Variants in MED12L observed in about 807,000 individuals in gnomAD.
MED12L encodes the protein mediator complex subunit 12L.
Under a neutral mutation model 281.3 loss-of-function variants are expected in MED12L, and 60 were observed. That is an observed-to-expected ratio of 0.21 (90% confidence interval 0.17 to 0.26). The LOEUF (loss-of-function observed/expected upper bound fraction) is 0.26. Ranked by LOEUF, MED12L falls within the 10% of genes least tolerant of loss-of-function variation. MED12L has a pLI of 1.00. For missense variants in MED12L, 2,146 were observed against 2,680.9 expected, an observed-to-expected ratio of 0.80 and a Z score of 4.41; for synonymous variants, 974 against 987.2, an observed-to-expected ratio of 0.99 and a Z score of 0.25.
At chr3:151,329,434 C>G in intron 16 of MED12L, 1 of 1,253,616 alleles carries the variant, frequency 8.0e-7, no homozygotes, top group Non-Finnish European at 1.1e-6. Context: ...TAAGCATATT[C>G]TTTTATATAA....
chr3:151,376,689 C>G (rs1756895532), intron 28 of MED12L, 111 bp from the exon 29 acceptor site: 1 of 868,748 alleles, frequency 1.2e-6, no homozygotes, highest in Non-Finnish European at 1.8e-6. Flanking sequence ...TAAATTATTT[C>G]ATTGTGTATG....
chr3:151,214,161 G>A lies in MED12L; in HGVS notation c.2250+20495G>A, dbSNP rs192199993. ...TGAGATAGATGATGAAACTCTTAGA[G>A]CTGGGCACGTAAAAGAATATCCATC... On this transcript the variant is annotated intron_variant, in intron 16 of 44. Transcript: ENST00000687756. The A allele has an allele frequency of 1.7e-5, 27 of 1,614,118 alleles. No homozygotes were observed. The Admixed American group carries it at 3.7e-4, about 22-fold the overall frequency.
At chr3:151,130,467 A>G (rs897808492) in intron 5 of MED12L, among the ~76,000 whole-genome samples, 11 of 152,148 alleles carry the variant, frequency 7.2e-5, no homozygotes, top group African/African-American at 1.2e-4. Flanking sequence ...GTTTTAGCCA[A>G]TCTTCTTGTT....
At chr3:151,201,465 A>T (rs1299867026) in intron 16 of MED12L, among the ~76,000 whole-genome samples, 1 of 152,178 alleles carries the variant, frequency 6.6e-6, no homozygotes, top group Non-Finnish European at 1.5e-5. Flanking sequence ...TTAAGGATGG[A>T]TGGAAACTTT....
intron 16 of MED12L, chr3:151,199,463 A>T (rs1200628154): frequency 2.8e-5 from 35 of 1,263,422 alleles, no homozygotes; most frequent in Non-Finnish European, 3.7e-5. Flanking sequence ...AAGGAAAGGG[A>T]GGTTAGTAAT....
chr3:151,384,241 T>C, intron 35 of MED12L, 23 bp downstream of exon 35: 3 of 1,581,854 alleles, frequency 1.9e-6, no homozygotes, highest in Middle Eastern at 1.7e-4. Flanking sequence ...TCAGCCTGTA[T>C]TATGAGCTCA....
chr3:151,256,429 C>T (rs1415502392), intron 16 of MED12L, among the ~76,000 whole-genome samples: 2 of 152,162 alleles, frequency 1.3e-5, no homozygotes, highest in African/African-American at 4.8e-5. Flanking sequence ...CAGGATCAAC[C>T]AGAGCTGGTG....
intron 4 of MED12L, among the ~76,000 whole-genome samples, chr3:151,124,126 A>G (rs957899378): frequency 4.6e-5 from 7 of 152,222 alleles, no homozygotes; most frequent in Non-Finnish European, 1.5e-5. Context: ...CTGTTGACTA[A>G]CAGTTCATAC....
chr3:151,116,308 TC>T, intron 2 of MED12L, 29 bp from the exon 3 acceptor site: 1 of 1,507,412 alleles, frequency 6.6e-7, no homozygotes, highest in Non-Finnish European at 9.2e-7. Flanking sequence ...TTTACATCCT[TC>T]TGCTTAATCA....
chr3:151,086,786 T>A lies in MED12L; in HGVS notation c.-129-12T>A. 1.5e-6 allele frequency: 1 copy of A among 645,684 alleles called. No individual in the cohort carries two copies. 40.0% of individuals were successfully genotyped at this position (645,684 alleles called of 1,614,324 possible). On this transcript the variant is annotated splice_polypyrimidine_tract_variant and intron_variant, in intron 1 of 44. Transcript: ENST00000687756. ...GGCAGCATCCAACCTGCTTTATTCCTCCTGCCTGCAGCGCCACAGCGAGCG... is the reference window on the plus strand; with the variant it reads ...GGCAGCATCCAACCTGCTTTATTCCACCTGCCTGCAGCGCCACAGCGAGCG...
chr3:151,103,863 C>T (rs1337416952), intron 2 of MED12L, among the ~76,000 whole-genome samples: 7 of 152,120 alleles, frequency 4.6e-5, no homozygotes, highest in Non-Finnish European at 7.4e-5. Context: ...CTCATATGGC[C>T]ACCTAACCAT....
At chr3:151,195,055 C>G (rs1462643784) in intron 16 of MED12L, among the ~76,000 whole-genome samples, 1 of 152,102 alleles carries the variant, frequency 6.6e-6, no homozygotes, top group Admixed American at 6.5e-5. Flanking sequence ...CGCAGCTTCT[C>G]AGGAGGCTGA....
chr3:151,425,112 G>T (rs1718731272), intron 43 of MED12L, among the ~76,000 whole-genome samples: 1 of 152,202 alleles, frequency 6.6e-6, no homozygotes, highest in South Asian at 2.1e-4. Context: ...TTATCCATAA[G>T]AAAGGGAAAA....
At chr3:151,207,242 A>C (rs558830189) in intron 16 of MED12L, among the ~76,000 whole-genome samples, 26 of 152,242 alleles carry the variant, frequency 1.7e-4, no homozygotes, top group African/African-American at 6.0e-4. Context: ...TTTCTTGATC[A>C]AGTATTTATG....
chr3:151,213,831 CTGGT>C (rs1168849750), intron 16 of MED12L: 1 of 1,614,130 alleles, frequency 6.2e-7, no homozygotes, highest in Non-Finnish European at 8.5e-7. Flanking sequence ...CCCTAACACT[CTGGT>C]TGGTGAGAAT....
intron 43 of MED12L, among the ~76,000 whole-genome samples, chr3:151,420,159 T>C: frequency 6.6e-6 from 1 of 152,206 alleles, no homozygotes; most frequent in South Asian, 2.1e-4. Flanking sequence ...TCACAGGGCA[T>C]AGTAACACTA....
At chr3:151,113,924 T>C (rs1386453118) in intron 2 of MED12L, among the ~76,000 whole-genome samples, 1 of 152,234 alleles carries the variant, frequency 6.6e-6, no homozygotes, top group African/African-American at 2.4e-5. Context: ...TCACACATTC[T>C]TCTTGATTAG....
chr3:151,273,108 G>T (rs1346116336), intron 16 of MED12L, among the ~76,000 whole-genome samples: 5 of 151,974 alleles, frequency 3.3e-5, no homozygotes, highest in Non-Finnish European at 7.4e-5. Context: ...TATGATCAAG[G>T]AATATTCAAC....
chr3:151,103,489 C>T (rs968142422), intron 2 of MED12L, among the ~76,000 whole-genome samples: 3 of 152,216 alleles, frequency 2.0e-5, no homozygotes, highest in African/African-American at 7.2e-5. Context: ...ATTGGCACTT[C>T]TGAGAGCTGT....
Sources: allele counts gnomAD v4.1 joint callset (sites outside exome capture counted in the v4.1 genomes callset), GRCh38; gene constraint gnomAD v4.1.1; transcripts MANE v1.5; gene names NCBI Gene and HGNC (gene_info 2026-07-23, HGNC 2026-07-21).